The following ADAMTS17 variants were observed in gnomAD, a reference collection of about 807,000 sequenced individuals.
The protein encoded by ADAMTS17 is A disintegrin and metalloproteinase with thrombospondin motifs 17.
A neutral mutation model predicts 141.5 loss-of-function variants in ADAMTS17; 113 were observed. That is an observed-to-expected ratio of 0.80 (90% CI 0.69 to 0.93). ADAMTS17 has a LOEUF of 0.93. ADAMTS17 is among the 40% of genes least tolerant of loss of function. The pLI is 0.00. For synonymous variants in ADAMTS17, 768 were observed against 630.6 expected (o/e 1.22, Z -3.27); for missense variants, 1,659 against 1,517.9 (o/e 1.09, Z -1.54).
At chr15:100,028,572 C>G (rs1417101934) in intron 18 of ADAMTS17, among the ~76,000 whole-genome samples, 2 of 152,230 alleles carry the variant, frequency 1.3e-5, no homozygotes, top group African/African-American at 4.8e-5. Context: ...GTGCCAGGAA[C>G]TGTCCTGAGC....
At chr15:100,063,615 C>T (rs1367769232) in intron 15 of ADAMTS17, 1 of 1,269,378 alleles carries the variant, frequency 7.9e-7, no homozygotes, top group Admixed American at 2.3e-5. Flanking sequence ...AACCAATTTA[C>T]CAGACTGATC....
At chr15:99,976,395 T>TG (rs1256732303) in intron 20 of ADAMTS17, 173 bp from the exon 21 acceptor site, 1 of 853,024 alleles carries the variant, frequency 1.2e-6, no homozygotes, top group African/African-American at 1.7e-5. Context: ...ACAGCCTGAG[T>TG]GGGGCCTACA....
rs2039731872 is a variant in ADAMTS17 at position 100,162,365 on chromosome 15, AGT to A, written c.1182-7047_1182-7046del. On this transcript the variant is annotated intron_variant, in intron 8 of 21. Coordinates refer to ENST00000268070, the MANE Select transcript of ADAMTS17 (RefSeq NM_139057.4). Reference sequence around the variant, plus strand: ...CCTATATACCTATATATAACTATATAGTTATATATATGTTATATATATAACTA... The same window carrying A: ...CCTATATACCTATATATAACTATATATATATATATGTTATATATATAACTA... Among the ~76,000 whole-genome samples the A allele has an allele frequency of 6.8e-5, 10 of 148,036 alleles. No homozygotes were observed. In the Admixed American group the frequency reaches 6.8e-4, roughly 10 times the overall value.
At chr15:100,063,382 G>C (rs1442773928) in intron 15 of ADAMTS17, among the ~76,000 whole-genome samples, 1 of 152,184 alleles carries the variant, frequency 6.6e-6, no homozygotes, top group Non-Finnish European at 1.5e-5. Flanking sequence ...TTGGGGGACT[G>C]GTAACCTGCC....
At chr15:100,049,677 T>C (rs144156984) in intron 17 of ADAMTS17, among the ~76,000 whole-genome samples, 1 of 152,312 alleles carries the variant, frequency 6.6e-6, no homozygotes, top group East Asian at 1.9e-4. Context: ...GGCCATGCCT[T>C]TGTCAGGCAG....
intron 14 of ADAMTS17, among the ~76,000 whole-genome samples, chr15:100,097,303 C>G (rs1190747060): frequency 1.3e-5 from 2 of 152,160 alleles, no homozygotes; most frequent in African/African-American, 4.8e-5. Context: ...GCTTCCAGAA[C>G]AAGAACTGGG....
intron 7 of ADAMTS17, among the ~76,000 whole-genome samples, chr15:100,205,603 A>G (rs2041512796): frequency 6.6e-6 from 1 of 152,158 alleles, no homozygotes. Context: ...GGGCTTCTGA[A>G]ACAGGCCCTG....
chr15:100,117,149 T>C, intron 12 of ADAMTS17, 136 bp from the exon 13 acceptor site: 1 of 1,016,970 alleles, frequency 9.8e-7, no homozygotes, highest in Non-Finnish European at 1.5e-6. Flanking sequence ...TCTCTGCTGT[T>C]ACAGACCAAA....
chr15:100,190,903 C>G (rs191646770), intron 8 of ADAMTS17, among the ~76,000 whole-genome samples: 1 of 152,328 alleles, frequency 6.6e-6, no homozygotes, highest in Non-Finnish European at 1.5e-5. Context: ...GGAAAGAGCA[C>G]TGTGCTGTGG....
chr15:100,301,491 ATTTTT>A (rs55686011), intron 3 of ADAMTS17, among the ~76,000 whole-genome samples: 1 of 133,306 alleles, frequency 7.5e-6, no homozygotes, highest in South Asian at 2.4e-4. Context: ...CACCGGGCTA[ATTTTT>A]TTTTTTTTTT....
At chr15:100,260,119 A>T (rs2043465122) in intron 6 of ADAMTS17, among the ~76,000 whole-genome samples, 2 of 152,234 alleles carry the variant, frequency 1.3e-5, no homozygotes, top group South Asian at 4.1e-4. Flanking sequence ...TGCTGGGATT[A>T]CAGGCATGAG....
chr15:100,153,467 T>A (rs1476049893), intron 9 of ADAMTS17, among the ~76,000 whole-genome samples: 2 of 151,666 alleles, frequency 1.3e-5, no homozygotes, highest in Non-Finnish European at 2.9e-5. Context: ...ATGGGGAAAC[T>A]CCTGTCTCTA....
At chr15:100,184,818 GC>G (rs2040650038) in intron 8 of ADAMTS17, among the ~76,000 whole-genome samples, 1 of 151,934 alleles carries the variant, frequency 6.6e-6, no homozygotes, top group Admixed American at 6.5e-5. Flanking sequence ...TCTTCTGGGG[GC>G]CCTTCCAGAG....
chr15:100,219,758 C>A (rs1333049873), intron 7 of ADAMTS17, among the ~76,000 whole-genome samples: 1 of 152,194 alleles, frequency 6.6e-6, no homozygotes, highest in Admixed American at 6.5e-5. Flanking sequence ...AAGGCCCCTT[C>A]ATCTGACCTG....
chr15:100,253,417 G>C (rs1299987799), intron 7 of ADAMTS17, among the ~76,000 whole-genome samples: 3 of 18,260 alleles, frequency 1.6e-4, no homozygotes, highest in South Asian at 3.1e-3. Context: ...GGGAGGGGAA[G>C]GTAGAGGGGG....
At chr15:100,178,866 C>T (rs2040426863) in intron 8 of ADAMTS17, among the ~76,000 whole-genome samples, 1 of 152,092 alleles carries the variant, frequency 6.6e-6, no homozygotes, top group South Asian at 2.1e-4. Flanking sequence ...AAATTTTGTG[C>T]CACTTCATTC....
intron 15 of ADAMTS17, among the ~76,000 whole-genome samples, chr15:100,062,286 G>A (rs1490891057): frequency 6.6e-6 from 1 of 152,170 alleles, no homozygotes; most frequent in Non-Finnish European, 1.5e-5. Flanking sequence ...GCCTCAAGGA[G>A]GCAGGGTGGA....
At chr15:100,070,266 G>C (rs1274198852) in intron 15 of ADAMTS17, among the ~76,000 whole-genome samples, 1 of 149,706 alleles carries the variant, frequency 6.7e-6, no homozygotes, top group African/African-American at 2.5e-5. Flanking sequence ...CCTACAAAGA[G>C]ACTTAGACTC....
intron 15 of ADAMTS17, chr15:100,063,784 TA>T: frequency 7.8e-7 from 1 of 1,282,426 alleles, no homozygotes; most frequent in South Asian, 1.2e-5. Context: ...GACACAGAAG[TA>T]AACCACACCT....
Sources: allele counts gnomAD v4.1 joint callset (sites outside exome capture counted in the v4.1 genomes callset), GRCh38; gene constraint gnomAD v4.1.1; transcripts MANE v1.5; gene names NCBI Gene and HGNC (gene_info 2026-07-23, HGNC 2026-07-21).